Variants in MAP1A observed in about 807,000 individuals in gnomAD.
MAP1A encodes microtubule associated protein 1A, also known as microtubule-associated protein 1A.
Under a neutral mutation model 185.9 loss-of-function variants are expected in MAP1A, and 42 were observed. The ratio of observed to expected loss-of-function variants is 0.23; its 90% confidence interval spans 0.18 to 0.29. MAP1A has a LOEUF of 0.29. Ranked by LOEUF, MAP1A falls within the 10% of genes least tolerant of loss-of-function variation. The pLI, the probability that MAP1A is intolerant of heterozygous loss-of-function variation, is 1.00. For missense variants in MAP1A, 2,995 were observed against 3,450.4 expected (o/e 0.87, Z 3.31); for synonymous variants, 1,229 against 1,335.9 (o/e 0.92, Z 1.74).
In MAP1A at chr15:43,523,977, G is replaced by A. The variant is rs2079331330; in HGVS notation, c.2504G>A (p.Cys835Tyr). Residue 835 changes from cysteine to tyrosine, a missense_variant, in exon 4 of 6, where the codon TGT (cysteine) becomes TAT (tyrosine). This residue lies in a region of MAP1A where 2,728 missense variants were observed against 2,986.0 expected (regional missense o/e 0.91). Transcript: ENST00000300231. ...TCCTCGGCCACTTCAATCACTGAGT[G>A]TGACAAACTTTCTTCCTTTGCCACA... ...HVSSATSITE[C>Y]DKLSSFATSV... is the part of the protein sequence containing the mutation. 1 of 1,614,012 alleles carries A rather than the reference G, an allele frequency of 6.2e-7. No individual in the cohort carries two copies. The highest frequency in any genetic ancestry group is 1.3e-5 in the African/African-American group (1 of 74,918).
chr15:43,526,142 G>A lies in MAP1A; in HGVS notation c.4669G>A (p.Ala1557Thr), dbSNP rs777424721. ...TCAGGCCTTAGAACAAAAATACTGG[G>A]CTTTGGGACAGAAGGATGAAGCCCT... is the stretch of plus-strand genomic sequence containing the variant. ...KDQALEQKYWALGQKDEALEQ... is the reference protein window; with the variant it reads ...KDQALEQKYWTLGQKDEALEQ... Residue 1557 changes from alanine to threonine, a missense_variant, in exon 4 of 6, where the codon GCT (alanine) becomes ACT (threonine). Ala to Thr is a moderately conservative substitution (Grantham distance 58). This residue lies in a region of MAP1A where 2,728 missense variants were observed against 2,986.0 expected (regional missense o/e 0.91). Transcript: ENST00000300231. This position sits in a 1 kb window ranked among gnomAD's most constrained non-coding sequence, Gnocchi z 4.7. The A allele has an allele frequency of 1.9e-6, 3 of 1,613,990 alleles. No homozygotes were observed. The highest frequency in any genetic ancestry group is 2.5e-6 in the Non-Finnish European group (3 of 1,180,032).
At position 43,529,797 on chromosome 15, in the gene MAP1A, C is replaced by T. The variant is rs1415436925; in HGVS notation, c.8183C>T (p.Ala2728Val). Residue 2728 changes from alanine (A) to valine (V), a missense_variant, in exon 5 of 6, where the codon GCC becomes GTC. This residue lies in a region of MAP1A where 2,728 missense variants were observed against 2,986.0 expected (regional missense o/e 0.91). Coordinates refer to ENST00000300231, the MANE Select transcript of MAP1A (RefSeq NM_002373.6). The surrounding 1 kb of genome is among the most constrained non-coding windows in gnomAD (Gnocchi z 4.3). ...SYYVVSGNDP[A>V]NGEPSRAVLD... ...TATGTGGTCAGTGGGAATGACCCTG[C>T]CAATGGCGAGCCAAGCCGGGCTGTG... 1.2e-6 allele frequency: 2 copies of T among 1,614,154 alleles called. No homozygotes were observed. Among genetic ancestry groups the T allele is most frequent in the South Asian group, 2.2e-5 (2 of 91,088 alleles).
intron 1 of MAP1A, among the ~76,000 whole-genome samples, chr15:43,520,355 T>G (rs1020904363): frequency 6.6e-6 from 1 of 152,080 alleles, no homozygotes; most frequent in African/African-American, 2.4e-5. Context: ...TAGGGCAGTC[T>G]GAGGCCATAG....
rs749696995 is a variant in MAP1A, at chr15:43,524,032, A to T, written c.2559A>T (p.Ser853=). The T allele has an allele frequency of 6.2e-7, 1 of 1,614,060 alleles. No homozygotes were observed. Among genetic ancestry groups the T allele is most frequent in the South Asian group, 1.1e-5 (1 of 91,080 alleles). The change falls in exon 4 of 6, where the codon TCA becomes TCT. Residue 853 remains serine (S), a synonymous_variant. Transcript: ENST00000300231. ...TSVAEDQSVA[S]LTAPQTEETG... ...TGGCTGAGGACCAATCTGTGGCCTC[A>T]CTTACAGCTCCCCAGACAGAGGAGA...
chr15:43,528,789 C>G lies in MAP1A; in HGVS notation c.7316C>G (p.Thr2439Ser), dbSNP rs1320290252. Residue 2439 changes from threonine (T) to serine (S), a missense_variant, in exon 4 of 6, where the codon ACT becomes AGT. Around this residue, in one of 3 missense-constraint regions of MAP1A, gnomAD observed 2,728 missense variants for 2,986.0 expected, o/e 0.91. Coordinates refer to ENST00000300231, the MANE Select transcript of MAP1A (RefSeq NM_002373.6). ...GAAGCTGGGCCCCAGGGATGTGCCA[C>G]TGAGCCTCGGCCCCATCGTGGGGAG... The part of the protein sequence containing the change: ...EVEAGPQGCA[T>S]EPRPHRGELS... The G allele has an allele frequency of 5.6e-6, 9 of 1,613,390 alleles. No homozygotes were observed. Among genetic ancestry groups the G allele is most frequent in the East Asian group, 2.2e-5 (1 of 44,872 alleles).
chr15:43,523,397 G>C lies in MAP1A; in HGVS notation c.1924G>C (p.Glu642Gln), dbSNP rs1173613230. ...GCTCCCAGACAGAACAGAAGCCAGA[G>C]AGGAAAGTGAACCTGAAGTAAAGGA... ...ERLPDRTEAREESEPEVKEDV... is the reference protein window; with the variant it reads ...ERLPDRTEARQESEPEVKEDV... The change falls in exon 4 of 6, where the codon GAG (glutamate) becomes CAG (glutamine). Residue 642 changes from glutamate (E) to glutamine (Q), a missense_variant. Physicochemically the swap from Glu to Gln is conservative, Grantham distance 29 (BLOSUM62 2). This residue lies in a region of MAP1A where 2,728 missense variants were observed against 2,986.0 expected (regional missense o/e 0.91). Coordinates refer to ENST00000300231, the MANE Select transcript of MAP1A (RefSeq NM_002373.6). 6.2e-7 allele frequency: 1 copy of C among 1,612,770 alleles called. No homozygotes were observed.
chr15:43,523,938 A>C lies in MAP1A; in HGVS notation c.2465A>C (p.Glu822Ala). The C allele has an allele frequency of 1.2e-6, 2 of 1,614,166 alleles. No homozygotes were observed. Among genetic ancestry groups the C allele is most frequent in the Non-Finnish European group, 1.7e-6 (2 of 1,180,028 alleles). The change falls in exon 4 of 6, where the codon GAA (glutamate) becomes GCA (alanine). Residue 822 changes from glutamate to alanine, a missense_variant. Physicochemically the swap from Glu to Ala is moderately radical, Grantham distance 107. This residue lies in a region of MAP1A where 2,728 missense variants were observed against 2,986.0 expected (regional missense o/e 0.91). Coordinates refer to ENST00000300231, the MANE Select transcript of MAP1A (RefSeq NM_002373.6). ...PTNIVAAPLA[E>A]EEHVSSATSI... ...AACATAGTGGCTGCCCCTTTGGCTG[A>C]AGAGGAACATGTGTCCTCGGCCACT...
chr15:43,520,829 A>G lies in MAP1A; in HGVS notation c.-292+106A>G, dbSNP rs546020060. On this transcript the variant is annotated intron_variant, in intron 2 of 5. Transcript: ENST00000300231. The stretch of plus-strand genomic sequence containing the variant: ...CCAAGAATTCCTCTCTCTGCCATCT[A>G]AGCTGACGTATTGTCTCCAGCCCAC... 257 of 1,307,080 alleles carry G rather than the reference A, an allele frequency of 2.0e-4. 2 individuals are homozygous for G. In the South Asian group the frequency reaches 3.1e-3, roughly 16 times the overall value. The allele number at this position is 1,307,080 out of a possible 1,614,324, so 81.0% of individuals were successfully genotyped here.
Position 43,525,261 on chromosome 15 carries a change from C to A in MAP1A, c.3788C>A (p.Ala1263Glu). ...GTTCCAGAGCCCCATGCAGCCACAG[C>A]GTCACCTCCCACAGATGGGACAACT... ...MSVPEPHAAT[A>E]SPPTDGTTRY... The change falls in exon 4 of 6, where the codon GCG (alanine) becomes GAG (glutamate). Residue 1263 changes from alanine to glutamate, a missense_variant. Coordinates refer to ENST00000300231, the MANE Select transcript of MAP1A (RefSeq NM_002373.6). 2 of 1,614,176 alleles carry A rather than the reference C, an allele frequency of 1.2e-6. No individual in the cohort carries two copies. Among genetic ancestry groups the A allele is most frequent in the Non-Finnish European group, 1.7e-6 (2 of 1,180,042 alleles).
intron 1 of MAP1A, among the ~76,000 whole-genome samples, chr15:43,518,067 T>TTCTTTCTTA (rs2079304867): frequency 6.6e-6 from 1 of 151,934 alleles, no homozygotes; most frequent in African/African-American, 2.4e-5. Flanking sequence ...GAAAGGGGGA[T>TTCTTTCTTA]GTTATGGGAA....
rs367554691 is a variant in MAP1A, at chr15:43,529,897, T to C, written c.8256+27T>C. On this transcript the variant is annotated intron_variant, in intron 5 of 5. Transcript: ENST00000300231. The surrounding 1 kb of genome is among the most constrained non-coding windows in gnomAD (Gnocchi z 4.3). The stretch of plus-strand genomic sequence containing the variant: ...TGAGTAGCAAAGGACACCAAGGAAG[T>C]AGTCTGGTCAACGCTCACTCAGAGG... 3 of 1,604,842 alleles carry C rather than the reference T, an allele frequency of 1.9e-6. No homozygotes were observed. The highest frequency in any genetic ancestry group is 2.7e-5 in the African/African-American group (2 of 74,732).
At chr15:43,519,798 C>T (rs913016127) in intron 1 of MAP1A, among the ~76,000 whole-genome samples, 28 of 152,206 alleles carry the variant, frequency 1.8e-4, no homozygotes, top group African/African-American at 6.5e-4. Context: ...TGTTCAAGAA[C>T]CTTTCACTCC....
rs768999950 is a variant in MAP1A at position 43,530,241 on chromosome 15, T to C, written c.*17T>C. The C allele has an allele frequency of 1.9e-6, 3 of 1,613,122 alleles. No individual in the cohort carries two copies. The highest frequency in any genetic ancestry group is 1.1e-5 in the South Asian group (1 of 90,964). ...GAGTTCTGAAAGAGCCGCCCTCCCT[T>C]CCCCAAGGATCCACTCCCCCAGCTC... On this transcript the variant is annotated 3_prime_UTR_variant, in exon 6 of 6. Coordinates refer to ENST00000300231, the MANE Select transcript of MAP1A (RefSeq NM_002373.6).
Position 43,524,579 on chromosome 15 carries a change from A to G in MAP1A, c.3106A>G (p.Thr1036Ala). 1 of 1,614,140 alleles carries G rather than the reference A, an allele frequency of 6.2e-7. No homozygotes were observed. Among genetic ancestry groups the G allele is most frequent in the Non-Finnish European group, 8.5e-7 (1 of 1,180,020 alleles). Residue 1036 changes from threonine (T) to alanine (A), a missense_variant, in exon 4 of 6, where the codon ACA (threonine) becomes GCA (alanine). By Grantham distance (58) the Thr-to-Ala change is moderately conservative (BLOSUM62 0). Coordinates refer to ENST00000300231, the MANE Select transcript of MAP1A (RefSeq NM_002373.6). Reference protein sequence around the residue: ...EADSWGDTKRTPGVGKEDAAE... With the variant: ...EADSWGDTKRAPGVGKEDAAE... ...AGACTCCTGGGGAGACACTAAGCGC[A>G]CACCAGGTGTGGGCAAAGAAGATGC...
In MAP1A at chr15:43,528,582, C is replaced by G. The variant is rs756247468; in HGVS notation, c.7109C>G (p.Pro2370Arg). Residue 2370 changes from proline (P) to arginine (R), a missense_variant, in exon 4 of 6, where the codon CCA becomes CGA. Transcript: ENST00000300231. ...CCAACTGAAACCAGCCCTAACCCCC[C>G]AGGCCCTGCCCCAGCCAAGGCTGAA... ...NGPTETSPNP[P>R]GPAPAKAENE... The G allele has an allele frequency of 1.8e-5, 29 of 1,613,836 alleles. No homozygotes were observed. The highest frequency in any genetic ancestry group is 2.4e-5 in the Non-Finnish European group (28 of 1,180,030).
chr15:43,517,577 G>GCCCCCCCCCCCCCCCC, upstream of MAP1A: 1 of 151,148 alleles, frequency 6.6e-6, no homozygotes, highest in Non-Finnish European at 1.4e-5. Flanking sequence ...TCCTCATCAA[G>GCCCCCCCCCCCCCCCC]CACCCCCCTC....
chr15:43,528,317 GCAGAA>G lies in MAP1A; in HGVS notation c.6848_6852del (p.Glu2283GlyfsTer46). On this transcript the variant is annotated frameshift_variant, in exon 4 of 6. Coordinates refer to ENST00000300231, the MANE Select transcript of MAP1A (RefSeq NM_002373.6). LOFTEE classifies it high-confidence loss of function. Reference sequence around the variant, plus strand: ...GCGCTTCTCTCCAAGCCTTGAGGCTGCAGAACAGGAGTCTGGAGAGCTGGACCCAG... The same window carrying G: ...GCGCTTCTCTCCAAGCCTTGAGGCTGCAGGAGTCTGGAGAGCTGGACCCAG... 1 of 1,614,060 alleles carries G rather than the reference GCAGAA, an allele frequency of 6.2e-7. No homozygotes were observed. Among genetic ancestry groups the G allele is most frequent in the Non-Finnish European group, 8.5e-7 (1 of 1,180,034 alleles).
In MAP1A at chr15:43,523,324, G is replaced by A; in HGVS notation, c.1851G>A (p.Glu617=). Residue 617 remains glutamate, a synonymous_variant, in exon 4 of 6, where the codon GAG becomes GAA. Coordinates refer to ENST00000300231, the MANE Select transcript of MAP1A (RefSeq NM_002373.6). ...GCCTAGACTCTGGGGCTGAAACAGA[G>A]GAAGAGAAAGATACCTGGGAGGAAA... ...DRGLDSGAET[E]EEKDTWEEKK... 6.2e-7 allele frequency: 1 copy of A among 1,610,772 alleles called. No homozygotes were observed. The highest frequency in any genetic ancestry group is 1.7e-5 in the Admixed American group (1 of 59,328).
chr15:43,512,589 C>G (rs28438027), intron 2 of MAP1A, among the ~76,000 whole-genome samples: 1 of 152,232 alleles, frequency 6.6e-6, no homozygotes, highest in Non-Finnish European at 1.5e-5. Flanking sequence ...TCAATCATCT[C>G]TCACGCAAAA....
Sources: gnomAD v4.1 joint callset for allele counts (sites outside exome capture counted in the v4.1 genomes callset) on GRCh38, gnomAD v4.1.1 for gene constraint, gnomAD v4.1.1 regional missense constraint, Gnocchi (gnomAD v3.1) non-coding constraint, MANE v1.5 for transcripts, NCBI Gene and HGNC (gene_info 2026-07-23, HGNC 2026-07-21) for gene names.